Variants in MCTP2 observed in about 807,000 individuals in gnomAD.
MCTP2 encodes the protein multiple C2 and transmembrane domain-containing protein 2.
In MCTP2, 132 loss-of-function variants were observed where a neutral mutation model predicts 111.6. The observed-to-expected ratio is 1.18, with a 90% CI of 1.03 to 1.37. The LOEUF (loss-of-function observed/expected upper bound fraction) is 1.37. MCTP2 is among the 40% of genes most tolerant of loss of function. MCTP2 has a pLI of 0.00. For missense variants in MCTP2, 1,183 were observed against 1,067.9 expected, an observed-to-expected ratio of 1.11 and a Z score of -1.50; for synonymous variants, 395 against 387.7, an observed-to-expected ratio of 1.02 and a Z score of -0.22.
chr15:94,431,148 A>G (rs566694516), intron 17 of MCTP2, among the ~76,000 whole-genome samples: 4 of 152,342 alleles, frequency 2.6e-5, no homozygotes, highest in African/African-American at 9.6e-5. Context: ...ACAAATCAGT[A>G]CTGAAGAAAA....
At position 94,440,387 on chromosome 15, in the gene MCTP2, C is replaced by T. The variant is rs928793779; in HGVS notation, c.2208+89C>T. 1.9e-6 allele frequency: 3 copies of T among 1,552,428 alleles called. No individual in the cohort carries two copies. The African/African-American group carries it at 4.1e-5, about 21-fold the overall frequency. On this transcript the variant is annotated intron_variant, in intron 18 of 22. Transcript: ENST00000357742. ...CCACCACCAAATCATGGCCCAAGTC[C>T]ATTTCGTTTGAGGTGTAAGGAGCAG...
chr15:94,245,189 CATAT>C (rs974601215), intron 1 of MCTP2, among the ~76,000 whole-genome samples: 19 of 142,890 alleles, frequency 1.3e-4, no homozygotes, highest in African/African-American at 4.8e-4. Context: ...TTTATACACA[CATAT>C]GTATGTATAT....
chr15:94,355,267 G>A (rs1176050707), intron 8 of MCTP2, among the ~76,000 whole-genome samples: 4 of 152,188 alleles, frequency 2.6e-5, no homozygotes, highest in Non-Finnish European at 5.9e-5. Flanking sequence ...CAACCAGAAA[G>A]GAATGAAAGC....
chr15:94,370,437 G>A (rs1012307766), intron 12 of MCTP2, among the ~76,000 whole-genome samples: 4 of 152,178 alleles, frequency 2.6e-5, no homozygotes, highest in African/African-American at 9.7e-5. Flanking sequence ...AACATTTGTG[G>A]AGTATGAGTC....
intron 17 of MCTP2, among the ~76,000 whole-genome samples, chr15:94,415,090 T>C (rs1274112930): frequency 6.6e-6 from 1 of 152,062 alleles, no homozygotes; most frequent in African/African-American, 2.4e-5. Flanking sequence ...TCAAATACAC[T>C]GGCTAAAAAG....
chr15:94,382,921 G>A (rs750631511), intron 12 of MCTP2, among the ~76,000 whole-genome samples: 2 of 152,356 alleles, frequency 1.3e-5, no homozygotes, highest in African/African-American at 2.4e-5. Context: ...CACAGCAAAA[G>A]GGAAGTGAGT....
intron 1 of MCTP2, among the ~76,000 whole-genome samples, chr15:94,257,625 C>A (rs1783398137): frequency 1.0e-5 from 1 of 95,602 alleles, no homozygotes; most frequent in Non-Finnish European, 1.9e-5. Flanking sequence ...CTTGCTCTGT[C>A]ACCCAGGCTG....
intron 1 of MCTP2, among the ~76,000 whole-genome samples, chr15:94,249,530 G>A (rs2072255973): frequency 1.3e-5 from 2 of 150,830 alleles, no homozygotes; most frequent in Admixed American, 1.3e-4. Context: ...CTGTCACCCA[G>A]GCTGGAGTGC....
intron 4 of MCTP2, among the ~76,000 whole-genome samples, chr15:94,338,317 G>A (rs966578295): frequency 2.6e-5 from 4 of 151,976 alleles, no homozygotes; most frequent in Non-Finnish European, 4.4e-5. Context: ...TCTTTGTAGC[G>A]TTATCAGCTG....
At chr15:94,419,101 T>A (rs2152492165) in intron 17 of MCTP2, among the ~76,000 whole-genome samples, 1 of 152,202 alleles carries the variant, frequency 6.6e-6, no homozygotes. Context: ...TAGAGGATAA[T>A]AAAAGCGAGA....
chr15:94,414,169 C>T (rs2082274018), intron 17 of MCTP2, among the ~76,000 whole-genome samples: 1 of 152,160 alleles, frequency 6.6e-6, no homozygotes, highest in Non-Finnish European at 1.5e-5. Context: ...ATGTGAATTG[C>T]AGTCTCTGCC....
intron 7 of MCTP2, chr15:94,342,622 A>G (rs1446840535): frequency 7.1e-6 from 1 of 140,194 alleles, no homozygotes; most frequent in Non-Finnish European, 1.6e-5. Context: ...ATTTATATAT[A>G]CACAAATATA....
chr15:94,393,807 T>G (rs1013374953), intron 14 of MCTP2, among the ~76,000 whole-genome samples: 14 of 152,102 alleles, frequency 9.2e-5, no homozygotes, highest in Admixed American at 7.2e-4. Flanking sequence ...CCTAGCACTT[T>G]GGGAGGCCAA....
At chr15:94,320,517 G>A (rs1375668367) in intron 4 of MCTP2, among the ~76,000 whole-genome samples, 2 of 152,088 alleles carry the variant, frequency 1.3e-5, no homozygotes, top group Non-Finnish European at 2.9e-5. Flanking sequence ...ATAAATTTTA[G>A]TTCTTCGTTG....
chr15:94,455,660 C>T (rs555901056), intron 19 of MCTP2, among the ~76,000 whole-genome samples: 3 of 151,986 alleles, frequency 2.0e-5, no homozygotes, highest in Non-Finnish European at 2.9e-5. Context: ...CTCCTGACCT[C>T]GTTATCTGCC....
chr15:94,244,690 A>T (rs1305482521), intron 1 of MCTP2, among the ~76,000 whole-genome samples: 3 of 149,294 alleles, frequency 2.0e-5, no homozygotes, highest in Non-Finnish European at 4.5e-5. Flanking sequence ...TTATATACGT[A>T]TATGTATACA....
At chr15:94,350,303 C>T (rs1274882308) in intron 8 of MCTP2, among the ~76,000 whole-genome samples, 3 of 152,038 alleles carry the variant, frequency 2.0e-5, no homozygotes, top group East Asian at 1.9e-4. Flanking sequence ...AAATGGCATC[C>T]GGGGCTGGGC....
At chr15:94,243,729 A>T (rs1156848511) in intron 1 of MCTP2, among the ~76,000 whole-genome samples, 1 of 107,594 alleles carries the variant, frequency 9.3e-6, no homozygotes, top group Non-Finnish European at 2.0e-5. Flanking sequence ...ACACATACAT[A>T]TGTGTATACA....
At chr15:94,391,238 T>C (rs968623209) in intron 14 of MCTP2, among the ~76,000 whole-genome samples, 18 of 152,182 alleles carry the variant, frequency 1.2e-4, no homozygotes, top group Non-Finnish European at 2.5e-4. Context: ...TAATGGCTTG[T>C]ACCAAATAAA....
Sources: allele counts gnomAD v4.1 joint callset (sites outside exome capture counted in the v4.1 genomes callset), GRCh38; gene constraint gnomAD v4.1.1; transcripts MANE v1.5; gene names NCBI Gene and HGNC (gene_info 2026-07-23, HGNC 2026-07-21).